Variants in TBXAS1 observed in about 807,000 individuals in gnomAD.
The protein encoded by TBXAS1 is thromboxane-A synthase.
A neutral mutation model predicts 60.7 loss-of-function variants in TBXAS1; 48 were observed. That is an observed-to-expected ratio of 0.79 (90% CI 0.63 to 1.01). The LOEUF (loss-of-function observed/expected upper bound fraction) is 1.01, where lower values mean the gene tolerates loss of function less well. Among genes scored for constraint, TBXAS1 ranks in the 50% least tolerant of loss-of-function variants. TBXAS1 has a pLI of 0.00. For synonymous variants in TBXAS1, 287 were observed against 269.7 expected (o/e 1.06, Z -0.63); for missense variants, 685 against 686.3 (o/e 1.00, Z 0.02).
intron 4 of TBXAS1, among the ~76,000 whole-genome samples, chr7:139,799,181 A>C (rs1330250599): frequency 7.2e-6 from 1 of 138,122 alleles, no homozygotes; most frequent in African/African-American, 2.7e-5. Context: ...CAGTCCTCTC[A>C]CCTTAGCCTC....
At position 139,873,551 on chromosome 7, in the gene TBXAS1, ACATAAGCCTAAG is replaced by A. The variant is rs1293022368; in HGVS notation, c.183+1225_183+1236del. Among the ~76,000 whole-genome samples the A allele has an allele frequency of 3.3e-5, 5 of 152,222 alleles. No homozygotes were observed. The East Asian group carries it at 5.8e-4, about 18-fold the overall frequency. On this transcript the variant is annotated intron_variant, in intron 2 of 12. Transcript: ENST00000448866. ...GAGAATTCAAGGCAAAGTGAGTCAA[ACATAAGCCTAAG>A]CTTTGAGCCAGGGGAACAGGGAGAA...
At chr7:140,014,208 G>A (rs150461975) in intron 10 of TBXAS1, among the ~76,000 whole-genome samples, 141 of 152,316 alleles carry the variant, frequency 9.3e-4, no homozygotes, top group African/African-American at 2.7e-3. Context: ...GGCACCATAC[G>A]AAAGACCAGT....
At chr7:139,816,789 C>G (rs188724215) in intron 4 of TBXAS1, among the ~76,000 whole-genome samples, 1 of 152,278 alleles carries the variant, frequency 6.6e-6, no homozygotes, top group East Asian at 1.9e-4. Context: ...CCATCCCTGC[C>G]CCTGCTCCCT....
intron 9 of TBXAS1, among the ~76,000 whole-genome samples, chr7:139,968,067 A>G (rs540796975): frequency 6.6e-5 from 10 of 152,336 alleles, no homozygotes; most frequent in African/African-American, 2.4e-4. Flanking sequence ...AATGTCAGGC[A>G]TGAAAGTCAA....
chr7:139,832,043 A>G (rs1798733567), intron 1 of TBXAS1, among the ~76,000 whole-genome samples: 1 of 152,214 alleles, frequency 6.6e-6, no homozygotes, highest in South Asian at 2.1e-4. Context: ...GGAAGCTTCC[A>G]TGGTGAATTT....
In TBXAS1 at chr7:139,798,363, G is replaced by A. The variant is rs537618885; in HGVS notation, c.-80+10937G>A. ...CCGAGGAGAAAACAGGGAGATTCCC[G>A]CATGGGTGGAGCCAAGTTTCCACTG... On this transcript the variant is annotated intron_variant, in intron 4 of 16. Coordinates refer to the TBXAS1 transcript ENST00000336425. Among the ~76,000 whole-genome samples the A allele has an allele frequency of 9.8e-4, 149 of 152,324 alleles. 3 individuals carry two copies. The South Asian group carries it at 0.029, about 30-fold the overall frequency.
chr7:139,915,439 C>T (rs572338737), intron 4 of TBXAS1, among the ~76,000 whole-genome samples: 10 of 152,312 alleles, frequency 6.6e-5, no homozygotes, highest in African/African-American at 1.7e-4. Context: ...TGCTACCAAA[C>T]GGTCCCTTGT....
At chr7:139,981,249 A>T (rs1001451977) in intron 9 of TBXAS1, among the ~76,000 whole-genome samples, 5 of 152,124 alleles carry the variant, frequency 3.3e-5, no homozygotes, top group Admixed American at 1.3e-4. Flanking sequence ...CTGGGATTAC[A>T]GGCTTGTACC....
chr7:140,011,850 A>C (rs1159640837), intron 10 of TBXAS1, among the ~76,000 whole-genome samples: 1 of 152,080 alleles, frequency 6.6e-6, no homozygotes, highest in Non-Finnish European at 1.5e-5. Context: ...ATATATATAT[A>C]TCCACAATGA....
rs568270830 is a variant in TBXAS1 at position 139,929,825 on chromosome 7, G to A, written c.334-6366G>A. On this transcript the variant is annotated intron_variant, in intron 4 of 12. Coordinates refer to ENST00000448866, the MANE Select transcript of TBXAS1 (RefSeq NM_001061.7). Reference sequence around the variant, plus strand: ...CTCCCTGGCCTGAGCCTCCACCCCCGCTCTCTCCTGGCCACTGTGCTTCCT... The same window carrying A: ...CTCCCTGGCCTGAGCCTCCACCCCCACTCTCTCCTGGCCACTGTGCTTCCT... Among the ~76,000 whole-genome samples, 16 of 152,170 alleles carry A rather than the reference G, an allele frequency of 1.1e-4. No homozygotes were observed. The South Asian group carries it at 3.3e-3, about 32-fold the overall frequency.
intron 4 of TBXAS1, among the ~76,000 whole-genome samples, chr7:139,912,062 C>T (rs1805568333): frequency 6.6e-6 from 1 of 152,094 alleles, no homozygotes; most frequent in Non-Finnish European, 1.5e-5. Context: ...GAAACTCTGT[C>T]CCTACAAAAT....
In TBXAS1 at chr7:139,798,334, C is replaced by T. The variant is rs150915834; in HGVS notation, c.-80+10908C>T. Among the ~76,000 whole-genome samples the T allele has an allele frequency of 1.8e-3, 276 of 152,154 alleles. 2 individuals carry two copies. The highest frequency in any genetic ancestry group is 6.3e-3 in the African/African-American group (260 of 41,494). On this transcript the variant is annotated intron_variant, in intron 4 of 16. Transcript: ENST00000336425. The stretch of plus-strand genomic sequence containing the variant: ...AGAAAGAGATTGTCAGCAAGGGAGG[C>T]GAACCGAGGAGAAAACAGGGAGATT...
At chr7:139,904,432 C>T (rs905718886) in intron 3 of TBXAS1, among the ~76,000 whole-genome samples, 7 of 151,034 alleles carry the variant, frequency 4.6e-5, no homozygotes, top group Non-Finnish European at 5.9e-5. Context: ...TATGCAGGCT[C>T]TTTTTTGGTT....
chr7:139,861,392 C>T (rs1053742214), intron 1 of TBXAS1, among the ~76,000 whole-genome samples: 1 of 150,776 alleles, frequency 6.6e-6, no homozygotes, highest in Non-Finnish European at 1.5e-5. Context: ...CACCACCACA[C>T]CTGGCTAATT....
At chr7:139,906,061 C>A in intron 3 of TBXAS1, 6 of 391,838 alleles carry the variant, frequency 1.5e-5, no homozygotes, top group Non-Finnish European at 2.5e-5. Flanking sequence ...ATGCCAATTA[C>A]TCTAGCATCT....
At chr7:139,986,139 G>C (rs1313963812) in intron 9 of TBXAS1, among the ~76,000 whole-genome samples, 1 of 152,254 alleles carries the variant, frequency 6.6e-6, no homozygotes, top group Admixed American at 6.5e-5. Flanking sequence ...TGTAGTAGCA[G>C]AGGTAGTGAA....
At chr7:139,906,846 T>C (rs189029532) in intron 3 of TBXAS1, among the ~76,000 whole-genome samples, 4 of 152,354 alleles carry the variant, frequency 2.6e-5, no homozygotes, top group African/African-American at 7.2e-5. Flanking sequence ...ATGTTCATTG[T>C]TAGCATGTAG....
At chr7:139,842,603 A>T (rs779688806) in intron 1 of TBXAS1, among the ~76,000 whole-genome samples, 5 of 152,202 alleles carry the variant, frequency 3.3e-5, no homozygotes, top group Non-Finnish European at 5.9e-5. Flanking sequence ...TGGTGCTTCA[A>T]TTACTAAGAG....
intron 6 of TBXAS1, among the ~76,000 whole-genome samples, chr7:139,955,238 C>T (rs1809747333): frequency 6.6e-6 from 1 of 152,132 alleles, no homozygotes; most frequent in Non-Finnish European, 1.5e-5. Flanking sequence ...GCCAGGTCTT[C>T]GTGTCTCCTC....
Sources: gnomAD v4.1 joint callset for allele counts (sites outside exome capture counted in the v4.1 genomes callset) on GRCh38, gnomAD v4.1.1 for gene constraint, MANE v1.5 for transcripts, NCBI Gene and HGNC (gene_info 2026-07-23, HGNC 2026-07-21) for gene names.